The following SEPTIN5 variants were observed in gnomAD, a reference collection of about 807,000 sequenced individuals.
The protein encoded by SEPTIN5 is septin-5.
Under a neutral mutation model 51.2 loss-of-function variants are expected in SEPTIN5, and 16 were observed. The observed-to-expected ratio is 0.31, with a 90% CI of 0.21 to 0.47. SEPTIN5 has a LOEUF of 0.47. Ranked by LOEUF, SEPTIN5 falls within the 20% of genes least tolerant of loss-of-function variation. The pLI is 0.99. For missense variants in SEPTIN5, 376 were observed against 500.3 expected (o/e 0.75, Z 2.37); for synonymous variants, 208 against 191.2 (o/e 1.09, Z -0.72).
Position 19,722,811 on chromosome 22 carries a change from A to G in SEPTIN5, c.*327A>G. 1 of 490,648 alleles carries G rather than the reference A, an allele frequency of 2.0e-6. No homozygotes were observed. Among genetic ancestry groups the G allele is most frequent in the South Asian group, 2.1e-5 (1 of 46,608 alleles). 30.4% of individuals were successfully genotyped at this position (490,648 alleles called of 1,614,324 possible). A position where few individuals can be genotyped will look rare whatever the true frequency, so the allele number is the denominator to read the frequency against. On this transcript the variant is annotated 3_prime_UTR_variant, in exon 12 of 12. Transcript: ENST00000455784. ...CTCTGGCAGGCAGGCAAAGCTAGGC[A>G]GAAGAGGATTCCCAGGATCCTGGGT...
Position 19,718,912 on chromosome 22 carries a change from A to G in SEPTIN5, c.55-690A>G, listed in dbSNP as rs1290567073. The stretch of plus-strand genomic sequence containing the variant: ...CCGTCCCCGCGCGCCACGGCCCGCC[A>G]GCGCCTAGGCTCAGCCCTTCCCTCC... On this transcript the variant is annotated intron_variant, in intron 2 of 11. Transcript: ENST00000455784. The G allele has an allele frequency of 2.5e-6, 3 of 1,178,180 alleles. No individual in the cohort carries two copies. In the African/African-American group the frequency reaches 4.8e-5, roughly 19 times the overall value. The allele number at this position is 1,178,180 out of a possible 1,614,324, so 73.0% of individuals were successfully genotyped here. A position where few individuals can be genotyped will look rare whatever the true frequency, so the allele number is the denominator to read the frequency against.
chr22:19,714,718 C>G lies in SEPTIN5; in HGVS notation c.44-63C>G. 1 of 1,547,200 alleles carries G rather than the reference C, an allele frequency of 6.5e-7. No individual in the cohort carries two copies. On this transcript the variant is annotated intron_variant, in intron 1 of 11. Transcript: ENST00000455784. The surrounding 1 kb of genome is among the most constrained non-coding windows in gnomAD (Gnocchi z 5.2). ...TCACCGTGTCTCTCCGTCTCTCCCCCGCCCGCCGGCCCGGACCCGCTCGGA... is the reference window on the plus strand; with the variant it reads ...TCACCGTGTCTCTCCGTCTCTCCCCGGCCCGCCGGCCCGGACCCGCTCGGA...
At chr22:19,718,759 C>A in intron 2 of SEPTIN5, 2 of 1,237,770 alleles carry the variant, frequency 1.6e-6, no homozygotes, top group Non-Finnish European at 2.0e-6. Flanking sequence ...GGCAGCGCCC[C>A]AGGACCGCCT....
chr22:19,722,922 C>A lies in SEPTIN5; in HGVS notation c.*438C>A, dbSNP rs1157317919. 3 of 445,810 alleles carry A rather than the reference C, an allele frequency of 6.7e-6. No individual in the cohort carries two copies. Among genetic ancestry groups the A allele is most frequent in the Admixed American group, 3.4e-5 (1 of 29,216 alleles). The allele number at this position is 445,810 out of a possible 1,614,324, so 27.6% of individuals were successfully genotyped here. On this transcript the variant is annotated 3_prime_UTR_variant, in exon 12 of 12. Coordinates refer to ENST00000455784, the MANE Select transcript of SEPTIN5 (RefSeq NM_002688.6). ...GGTCACCCAGCGAGTGCTGAGACCCCATTTTCTGTCGAGGCGGGCCGAGTC... is the reference window on the plus strand; with the variant it reads ...GGTCACCCAGCGAGTGCTGAGACCCAATTTTCTGTCGAGGCGGGCCGAGTC...
chr22:19,718,471 G>A, intron 2 of SEPTIN5: 6 of 1,154,974 alleles, frequency 5.2e-6, no homozygotes, highest in Non-Finnish European at 6.4e-6. Context: ...CTCGGGTGCG[G>A]GAGCGGGGCC....
At chr22:19,717,604 A>T (rs1601238575) in intron 2 of SEPTIN5, 1 of 310,500 alleles carries the variant, frequency 3.2e-6, no homozygotes, top group East Asian at 1.2e-4. Context: ...GGGGCTTCCA[A>T]GTTTTGCAGG....
chr22:19,721,835 G>T lies in SEPTIN5; in HGVS notation c.828G>T (p.Ala276=), dbSNP rs779675071. 1 of 1,594,108 alleles carries T rather than the reference G, an allele frequency of 6.3e-7. No individual in the cohort carries two copies. Among genetic ancestry groups the T allele is most frequent in the Non-Finnish European group, 8.6e-7 (1 of 1,166,116 alleles). The change falls in exon 10 of 12, where the codon GCG becomes GCT. Residue 276 remains alanine, a synonymous_variant. Coordinates refer to ENST00000455784, the MANE Select transcript of SEPTIN5 (RefSeq NM_002688.6). ...CCCACCCCGCAGTGGAGAACCAGGC[G>T]CATTGCGACTTCGTGAAGCTGCGCA... The part of the protein sequence containing the change: ...PWGIVEVENQ[A]HCDFVKLRNM...
At chr22:19,716,158 A>T (rs985203808) in intron 2 of SEPTIN5, among the ~76,000 whole-genome samples, 1 of 152,092 alleles carries the variant, frequency 6.6e-6, no homozygotes, top group Non-Finnish European at 1.5e-5. Context: ...ACCCCATCCC[A>T]GGCCTCCCAG....
intron 2 of SEPTIN5, chr22:19,718,292 G>T (rs997548260): frequency 3.9e-4 from 248 of 631,596 alleles, no homozygotes; most frequent in Non-Finnish European, 4.8e-4. Context: ...GTCCACGCGA[G>T]CCATGGCCCG....
chr22:19,721,377 G>A (rs944135722), intron 8 of SEPTIN5, among the ~76,000 whole-genome samples: 1 of 152,186 alleles, frequency 6.6e-6, no homozygotes, highest in African/African-American at 2.4e-5. Flanking sequence ...CAGCTGGAGG[G>A]GGTGGTTCTT....
rs550209881 is a variant in SEPTIN5 at position 19,720,335 on chromosome 22, C to T, written c.378C>T (p.Thr126=). ...VNNTECWKPI[T]DYVDQQFEQY... The stretch of plus-strand genomic sequence containing the variant: ...CTGCCCACAGCTGGAAGCCCATCAC[C>T]GACTATGTGGACCAGCAGTTTGAGC... The change falls in exon 6 of 12, where the codon ACC becomes ACT. Residue 126 remains threonine, a synonymous_variant. Transcript: ENST00000455784. The T allele has an allele frequency of 2.0e-5, 33 of 1,613,798 alleles. No individual in the cohort carries two copies. The Admixed American group carries it at 3.0e-4, about 15-fold the overall frequency.
chr22:19,722,163 G>A (rs1411133295), intron 10 of SEPTIN5, 74 bp from the exon 11 acceptor site: 2 of 1,266,918 alleles, frequency 1.6e-6, no homozygotes, highest in Non-Finnish European at 1.1e-6. Flanking sequence ...GGCGGGGATG[G>A]GCCAGGCATC....
chr22:19,722,394 T>C lies in SEPTIN5; in HGVS notation c.1054-34T>C, dbSNP rs556568026. The C allele has an allele frequency of 3.6e-5, 57 of 1,593,638 alleles. No individual in the cohort carries two copies. In the South Asian group the frequency reaches 6.0e-4, roughly 17 times the overall value. On this transcript the variant is annotated intron_variant, in intron 11 of 11. Transcript: ENST00000455784. ...GGGCGTCAGGGATGCTCCTCCGCGGTGCTGCTCACCCGCCGGGTTGTCTCC... is the reference window on the plus strand; with the variant it reads ...GGGCGTCAGGGATGCTCCTCCGCGGCGCTGCTCACCCGCCGGGTTGTCTCC...
chr22:19,720,058 G>A, intron 4 of SEPTIN5, 57 bp from the exon 5 acceptor site: 2 of 1,610,936 alleles, frequency 1.2e-6, no homozygotes, highest in Admixed American at 1.7e-5. Flanking sequence ...GGTCCTGGCT[G>A]CCAAGGGTGA....
chr22:19,720,727 C>T (rs1412775326), intron 7 of SEPTIN5, 41 bp from the exon 8 acceptor site: 1 of 1,611,744 alleles, frequency 6.2e-7, no homozygotes, highest in Admixed American at 1.7e-5. Context: ...ACCAGGGGGA[C>T]TTGTCTGGCC....
At position 19,723,199 on chromosome 22, in the gene SEPTIN5, A is replaced by G; in HGVS notation, c.*715A>G. On this transcript the variant is annotated 3_prime_UTR_variant, in exon 12 of 12. Coordinates refer to ENST00000455784, the MANE Select transcript of SEPTIN5 (RefSeq NM_002688.6). ...ACCGCTGTGGTGTGCCGGGATCCTGAGCCTAGGCCTCCCGATGTTCCCACC... is the reference window on the plus strand; with the variant it reads ...ACCGCTGTGGTGTGCCGGGATCCTGGGCCTAGGCCTCCCGATGTTCCCACC... 3.4e-6 allele frequency: 2 copies of G among 596,546 alleles called. No individual in the cohort carries two copies. Among genetic ancestry groups the G allele is most frequent in the Non-Finnish European group, 3.1e-6 (1 of 317,552 alleles). The allele number at this position is 596,546 out of a possible 1,614,324, so 37.0% of individuals were successfully genotyped here.
At position 19,721,734 on chromosome 22, in the gene SEPTIN5, A is replaced by T. The variant is rs1936038077; in HGVS notation, c.812A>T (p.Glu271Val). ...CGACTGTACCCCTGGGGGATCGTGGAGGGTGAGTAGAGTCTTGGGGTACCA... is the reference window on the plus strand; with the variant it reads ...CGACTGTACCCCTGGGGGATCGTGGTGGGTGAGTAGAGTCTTGGGGTACCA... ...RGRLYPWGIV[E>V]VENQAHCDFV... The change falls in exon 9 of 12, where the codon GAG becomes GTG. Residue 271 changes from glutamate (E) to valine (V), a missense_variant and splice_region_variant. Physicochemically the swap from Glu to Val is moderately radical, Grantham distance 121. This residue lies in a region of SEPTIN5 where 287 missense variants were observed against 417.1 expected (regional missense o/e 0.69). Coordinates refer to ENST00000455784, the MANE Select transcript of SEPTIN5 (RefSeq NM_002688.6). The T allele has an allele frequency of 1.2e-6, 2 of 1,606,352 alleles. No homozygotes were observed. Among genetic ancestry groups the T allele is most frequent in the African/African-American group, 2.7e-5 (2 of 74,834 alleles).
At position 19,722,712 on chromosome 22, in the gene SEPTIN5, G is replaced by A. The variant is rs1156291615; in HGVS notation, c.*228G>A. ...TGGGGGATCAGGAGCGAAGTTGGGC[G>A]GGACTTCAGAGATCCGCCTCCCTTG... On this transcript the variant is annotated 3_prime_UTR_variant, in exon 12 of 12. Coordinates refer to ENST00000455784, the MANE Select transcript of SEPTIN5 (RefSeq NM_002688.6). 8.6e-6 allele frequency: 5 copies of A among 584,388 alleles called. No individual in the cohort carries two copies. The highest frequency in any genetic ancestry group is 1.5e-5 in the Non-Finnish European group (5 of 329,576). 36.2% of individuals were successfully genotyped at this position (584,388 alleles called of 1,614,324 possible).
rs562942429 is a variant in SEPTIN5, at chr22:19,723,212, C to T, written c.*728C>T. 4.9e-6 allele frequency: 3 copies of T among 616,980 alleles called. No homozygotes were observed. Among genetic ancestry groups the T allele is most frequent in the Admixed American group, 4.2e-5 (2 of 47,128 alleles). 38.2% of individuals were successfully genotyped at this position (616,980 alleles called of 1,614,324 possible). A position where few individuals can be genotyped will look rare whatever the true frequency, so the allele number is the denominator to read the frequency against. On this transcript the variant is annotated 3_prime_UTR_variant, in exon 12 of 12. Coordinates refer to ENST00000455784, the MANE Select transcript of SEPTIN5 (RefSeq NM_002688.6). ...GCCGGGATCCTGAGCCTAGGCCTCC[C>T]GATGTTCCCACCCGCATGATCCCTT...
Sources: gnomAD v4.1 joint callset for allele counts (sites outside exome capture counted in the v4.1 genomes callset) on GRCh38, gnomAD v4.1.1 for gene constraint, gnomAD v4.1.1 regional missense constraint, Gnocchi (gnomAD v3.1) non-coding constraint, MANE v1.5 for transcripts, NCBI Gene and HGNC (gene_info 2026-07-23, HGNC 2026-07-21) for gene names.